YBEY: variants seen among roughly 807,000 people sequenced by gnomAD.
The protein encoded by YBEY is endoribonuclease YbeY.
A neutral mutation model predicts 13.5 loss-of-function variants in YBEY; 15 were observed. That is an observed-to-expected ratio of 1.11 (90% CI 0.75 to 1.72). The LOEUF is 1.72. Among genes scored for constraint, YBEY ranks in the 40% most tolerant of loss-of-function variants. YBEY has a pLI of 0.00. For synonymous variants in YBEY, 101 were observed against 83.1 expected, an observed-to-expected ratio of 1.21 and a Z score of -1.17; for missense variants, 244 against 208.4, an observed-to-expected ratio of 1.17 and a Z score of -1.05.
At chr21:46,303,710 TATATATA>T in the YBEY span, among the ~76,000 whole-genome samples, 1 of 36,084 alleles carries the variant, frequency 2.8e-5, no homozygotes, top group South Asian at 1.1e-3. Flanking sequence ...ACACACAAAA[TATATATA>T]TATATATATA....
At chr21:46,299,958 A>C (rs886214902), downstream of YBEY, among the ~76,000 whole-genome samples, 16 of 152,050 alleles carry the variant, frequency 1.1e-4, no homozygotes, top group African/African-American at 3.6e-4. Context: ...CCCCACCCTC[A>C]GGTGTGACCC....
At chr21:46,289,098 T>C (rs1318410650) in intron 2 of YBEY, among the ~76,000 whole-genome samples, 1 of 152,194 alleles carries the variant, frequency 6.6e-6, no homozygotes, top group African/African-American at 2.4e-5. Flanking sequence ...GGTGACTGGC[T>C]TAGTGTGAAC....
downstream of YBEY, chr21:46,302,134 C>T (rs779024288): frequency 8.0e-6 from 12 of 1,508,778 alleles, no homozygotes; most frequent in Middle Eastern, 3.4e-4. Flanking sequence ...GTGGGACCCT[C>T]GGGGGCACAT....
chr21:46,296,279 G>C (rs1435812676), intron 4 of YBEY, 49 bp downstream of exon 4: 38 of 1,602,450 alleles, frequency 2.4e-5, no homozygotes, highest in Middle Eastern at 1.7e-4. Context: ...GGGGGAAGGA[G>C]GCTCCCCCAG....
At chr21:46,311,196 T>G in the YBEY span, among the ~76,000 whole-genome samples, 2 of 152,228 alleles carry the variant, frequency 1.3e-5, no homozygotes, top group South Asian at 2.1e-4. Context: ...AAGAAGCATC[T>G]TAATAATGGT....
At chr21:46,312,030 TCC>T in the YBEY span, among the ~76,000 whole-genome samples, 49 of 89,264 alleles carry the variant, frequency 5.5e-4, no homozygotes, top group Middle Eastern at 0.021. Context: ...CATCCACCCA[TCC>T]ACCTACCCAA....
chr21:46,306,141 C>T, the YBEY span, among the ~76,000 whole-genome samples: 1 of 151,300 alleles, frequency 6.6e-6, no homozygotes, highest in East Asian at 2.0e-4. Flanking sequence ...AGTGCAATCA[C>T]AGGGTCCTTA....
chr21:46,313,147 T>C, the YBEY span: 15 of 767,506 alleles, frequency 2.0e-5, no homozygotes, highest in East Asian at 2.6e-4. Context: ...GAGTTGGCCA[T>C]TGCAGCATGA....
chr21:46,288,768 A>G (rs1317650985), intron 2 of YBEY, among the ~76,000 whole-genome samples: 4 of 152,208 alleles, frequency 2.6e-5, no homozygotes, highest in Admixed American at 6.5e-5. Flanking sequence ...CTATAATCCC[A>G]GCACTTTGGG....
rs2081996113 is a variant in YBEY at position 46,297,588 on chromosome 21, GGACCC to G, written c.460_464del (p.Thr154AlafsTer39). 10 of 1,384,600 alleles carry G rather than the reference GGACCC, an allele frequency of 7.2e-6. No individual in the cohort carries two copies. Among genetic ancestry groups the G allele is most frequent in the African/African-American group, 1.5e-5 (1 of 67,024 alleles). 85.8% of individuals were successfully genotyped at this position (1,384,600 alleles called of 1,614,324 possible). On this transcript the variant is annotated frameshift_variant, in exon 5 of 5. Coordinates refer to ENST00000397701, the MANE Select transcript of YBEY (RefSeq NM_001314025.2). LOFTEE classifies it high-confidence loss of function. ...CTGGACGAGCTGGGCCGACGCACGG[GGACCC>G]GGCTGCAGCCCCTGACCCGGGGCCT...
chr21:46,296,406 C>G (rs112580845), intron 4 of YBEY, among the ~76,000 whole-genome samples, 176 bp downstream of exon 4: 2 of 151,924 alleles, frequency 1.3e-5, no homozygotes, highest in African/African-American at 2.4e-5. Flanking sequence ...CCAAATACTT[C>G]CAGCTGAATG....
downstream of YBEY, among the ~76,000 whole-genome samples, chr21:46,299,047 CTTTTTT>C (rs58361649): frequency 9.2e-6 from 1 of 108,870 alleles, no homozygotes; most frequent in Non-Finnish European, 1.9e-5. Context: ...TTCTTTCTTT[CTTTTTT>C]TTTTTTTTTT....
downstream of YBEY, chr21:46,302,437 C>T: frequency 2.1e-6 from 3 of 1,441,438 alleles, no homozygotes; most frequent in South Asian, 1.2e-5. Context: ...GAAAAACCAC[C>T]CAGGCCCTGT....
downstream of YBEY, chr21:46,301,579 C>A (rs1480668711): frequency 2.0e-6 from 2 of 997,496 alleles, no homozygotes; most frequent in Non-Finnish European, 2.4e-6. Flanking sequence ...TCTGTTCTGG[C>A]TCCTGAGCTG....
chr21:46,306,690 T>A, the YBEY span, among the ~76,000 whole-genome samples: 1 of 150,024 alleles, frequency 6.7e-6, no homozygotes, highest in Non-Finnish European at 1.5e-5. Context: ...TGGGTTCAAG[T>A]GATCCTTCCA....
chr21:46,303,222 C>G, the YBEY span, among the ~76,000 whole-genome samples: 2 of 151,956 alleles, frequency 1.3e-5, no homozygotes, highest in African/African-American at 4.8e-5. Flanking sequence ...GCCTGTAGTC[C>G]CAGCTACTCA....
chr21:46,303,739 ATATATATTTTTTTT>A, the YBEY span, among the ~76,000 whole-genome samples: 404 of 28,000 alleles, frequency 0.014, 1 homozygote, highest in Middle Eastern at 0.028. Context: ...ATATATATAT[ATATATATTTTTTTT>A]TTTTTTTTTT....
chr21:46,297,604 C>A lies in YBEY; in HGVS notation c.474C>A (p.Pro158=). ...GACGCACGGGGACCCGGCTGCAGCC[C>A]CTGACCCGGGGCCTCTTCGGAGGGA... ...LGRRTGTRLQ[P]LTRGLFGGS Residue 158 remains proline (P), a synonymous_variant, in exon 5 of 5, where the codon CCC becomes CCA. Coordinates refer to ENST00000397701, the MANE Select transcript of YBEY (RefSeq NM_001314025.2). 7.3e-7 allele frequency: 1 copy of A among 1,374,390 alleles called. No individual in the cohort carries two copies. Among genetic ancestry groups the A allele is most frequent in the African/African-American group, 1.5e-5 (1 of 66,798 alleles). The allele number at this position is 1,374,390 out of a possible 1,614,324, so 85.1% of individuals were successfully genotyped here.
At chr21:46,305,079 G>C in the YBEY span, among the ~76,000 whole-genome samples, 3 of 152,178 alleles carry the variant, frequency 2.0e-5, no homozygotes, top group Non-Finnish European at 4.4e-5. Flanking sequence ...CACAAAGACA[G>C]ATACTGTACG....
Sources: allele counts gnomAD v4.1 joint callset (sites outside exome capture counted in the v4.1 genomes callset), GRCh38; gene constraint gnomAD v4.1.1; transcripts MANE v1.5; gene names NCBI Gene and HGNC (gene_info 2026-07-23, HGNC 2026-07-21).